LCTL: variants seen among roughly 807,000 people sequenced by gnomAD.
The protein encoded by LCTL is lactase-like protein.
Under a neutral mutation model 75.8 loss-of-function variants are expected in LCTL, and 76 were observed. That is an observed-to-expected ratio of 1.00 (90% CI 0.83 to 1.21). The LOEUF is 1.21. LCTL is among the 50% of genes most tolerant of loss of function. The pLI is 0.00. For synonymous variants in LCTL, 271 were observed against 268.8 expected (o/e 1.01, Z -0.08); for missense variants, 670 against 712.4 (o/e 0.94, Z 0.68).
intron 11 of LCTL, among the ~76,000 whole-genome samples, chr15:66,550,606 T>C (rs1198166183): frequency 6.6e-6 from 1 of 152,102 alleles, no homozygotes; most frequent in Non-Finnish European, 1.5e-5. Context: ...TCAGTCTCTG[T>C]AGTCAGCTGG....
In LCTL at chr15:66,564,488, T is replaced by A. The variant is rs149731163; in HGVS notation, c.282+188A>T. The A allele has an allele frequency of 6.6e-4, 418 of 631,226 alleles. 1 individual carries two copies. In the African/African-American group the frequency reaches 7.3e-3, roughly 11 times the overall value. 39.1% of individuals were successfully genotyped at this position (631,226 alleles called of 1,614,324 possible). On this transcript the variant is annotated intron_variant, in intron 2 of 12. Transcript: ENST00000341509. The stretch of plus-strand genomic sequence containing the variant: ...TACATCCACCTCACATCCTGGCCCC[T>A]CCCAAACCTTCACCCCCACTGGCCC...
chr15:66,563,574 G>A (rs1895947894), exon 4 of LCTL: 2 of 1,612,698 alleles, frequency 1.2e-6, no homozygotes, highest in Middle Eastern at 2.0e-4. Context: ...GCTCAGAAGG[G>A]CATCGATAAG....
At position 66,562,427 on chromosome 15, in the gene LCTL, G is replaced by T. The variant is rs1416802959; in HGVS notation, c.480+1089C>A. Among the ~76,000 whole-genome samples the T allele has an allele frequency of 2.0e-5, 3 of 150,564 alleles. No homozygotes were observed. The South Asian group carries it at 6.3e-4, about 32-fold the overall frequency. ...CAAAAAAAAAAAAAAACAAAAGAAA[G>T]AAAATATTGCTTGAATCACAGTGAC... On this transcript the variant is annotated intron_variant, in intron 4 of 12. Transcript: ENST00000341509.
chr15:66,557,813 C>T lies in LCTL; in HGVS notation c.831G>A (p.Glu277=), dbSNP rs142700869. 7.6e-4 allele frequency: 1,226 copies of T among 1,614,158 alleles called. 11 individuals are homozygous for T. In the Middle Eastern group the frequency reaches 0.012, roughly 15 times the overall value. The change falls in exon 8 of 13, where the codon GAG becomes GAA. Residue 277 remains glutamate, a synonymous_variant. Coordinates refer to ENST00000341509, the Ensembl canonical transcript of LCTL. ...AGAACTGTAGGTATCTCTCGGCAGCCTCTAGGTCCTTGGGGTTACTAATGT... is the reference window on the plus strand; with the variant it reads ...AGAACTGTAGGTATCTCTCGGCAGCTTCTAGGTCCTTGGGGTTACTAATGT...
At chr15:66,552,740 A>C (rs1895640590) in intron 9 of LCTL, among the ~76,000 whole-genome samples, 1 of 151,312 alleles carries the variant, frequency 6.6e-6, no homozygotes, top group Non-Finnish European at 1.5e-5. Context: ...CACATATTCC[A>C]GTTTAGGTGT....
chr15:66,551,500 C>G (rs995892488), intron 11 of LCTL, among the ~76,000 whole-genome samples, 162 bp downstream of exon 12: 1 of 152,124 alleles, frequency 6.6e-6, no homozygotes, highest in African/African-American at 2.4e-5. Context: ...CATGCTTGCT[C>G]CATTCTAAGC....
At chr15:66,554,308 A>G (rs1175406296) in intron 8 of LCTL, among the ~76,000 whole-genome samples, 1 of 151,010 alleles carries the variant, frequency 6.6e-6, no homozygotes, top group Non-Finnish European at 1.5e-5. Flanking sequence ...AAAAAAAAAA[A>G]AAGTAGCTGG....
At chr15:66,557,121 TGA>T (rs1270204979) in intron 8 of LCTL, among the ~76,000 whole-genome samples, 1 of 152,136 alleles carries the variant, frequency 6.6e-6, no homozygotes, top group Non-Finnish European at 1.5e-5. Context: ...AAAGATGGAA[TGA>T]GCCTGGGTCC....
intron 6 of LCTL, among the ~76,000 whole-genome samples, chr15:66,560,585 C>T (rs1445126904): frequency 2.6e-5 from 4 of 152,300 alleles, no homozygotes; most frequent in South Asian, 4.2e-4. Flanking sequence ...TTCCTTCCTC[C>T]TTCAAAATTC....
chr15:66,551,794 C>T (rs1895610424), exon 11 of LCTL: 18 of 1,613,890 alleles, frequency 1.1e-5, no homozygotes, highest in Non-Finnish European at 1.4e-5. Flanking sequence ...AGTATCCTTT[C>T]TCCCATTCAA....
intron 6 of LCTL, among the ~76,000 whole-genome samples, chr15:66,559,579 A>G (rs1417186459): frequency 2.0e-5 from 3 of 151,854 alleles, no homozygotes; most frequent in Non-Finnish European, 2.9e-5. Flanking sequence ...GTGGTGGCGT[A>G]TGCCTGTAAT....
intron 1 of LCTL, 82 bp downstream of exon 2, chr15:66,565,166 A>G: frequency 1.1e-6 from 1 of 913,838 alleles, no homozygotes. Context: ...GGAAGCAAGA[A>G]CACCAAACTC....
intron 8 of LCTL, among the ~76,000 whole-genome samples, chr15:66,555,828 C>G (rs530534788): frequency 6.6e-6 from 1 of 152,260 alleles, no homozygotes; most frequent in Admixed American, 6.5e-5. Context: ...ACAACAAAAA[C>G]AACCCAATTC....
chr15:66,563,935 G>C (rs747990848), exon 3 of LCTL: 13 of 1,614,048 alleles, frequency 8.1e-6, no homozygotes, highest in Non-Finnish European at 1.1e-5. Flanking sequence ...GGCAGGAGCC[G>C]GGGCCAAGAC....
At chr15:66,552,197 C>G in intron 9 of LCTL, 28 bp from the exon 11 acceptor site, 4 of 1,592,154 alleles carry the variant, frequency 2.5e-6, no homozygotes, top group Non-Finnish European at 3.4e-6. Flanking sequence ...CAACAAATAT[C>G]TTAAAAATTC....
intron 11 of LCTL, among the ~76,000 whole-genome samples, chr15:66,551,397 C>T (rs1895595163): frequency 7.3e-6 from 1 of 136,150 alleles, no homozygotes; most frequent in African/African-American, 2.7e-5. Context: ...TAACATTTAA[C>T]TATAAGTCTC....
chr15:66,559,808 G>A (rs986595864), intron 6 of LCTL, among the ~76,000 whole-genome samples: 11 of 152,194 alleles, frequency 7.2e-5, no homozygotes, highest in African/African-American at 1.4e-4. Flanking sequence ...ATCTTGAGGC[G>A]GGGCGCTATG....
chr15:66,555,949 G>T (rs1209132670), intron 8 of LCTL, among the ~76,000 whole-genome samples: 1 of 152,078 alleles, frequency 6.6e-6, no homozygotes, highest in African/African-American at 2.4e-5. Context: ...AATCAAAACT[G>T]CAGTGAGATA....
At chr15:66,554,478 ATG>A (rs1014503194) in intron 8 of LCTL, among the ~76,000 whole-genome samples, 4 of 152,088 alleles carry the variant, frequency 2.6e-5, no homozygotes, top group Non-Finnish European at 5.9e-5. Context: ...AAAAATAAAA[ATG>A]TGTAATTTTA....
Sources: allele counts gnomAD v4.1 joint callset (sites outside exome capture counted in the v4.1 genomes callset), GRCh38; gene constraint gnomAD v4.1.1; transcripts MANE v1.5; gene names NCBI Gene and HGNC (gene_info 2026-07-23, HGNC 2026-07-21).